PBX1: variants seen among roughly 807,000 people sequenced by gnomAD.
PBX1 encodes the protein PBX homeobox 1.
PBX1 carries 6 observed loss-of-function variants against 53.4 expected under a neutral mutation model. The observed-to-expected ratio is 0.11, with a 90% CI of 0.06 to 0.22. PBX1 has a LOEUF of 0.22. Among genes scored for constraint, PBX1 ranks in the 10% least tolerant of loss-of-function variants. The probability of loss-of-function intolerance (pLI) is 1.00; values close to 1 mark genes in which losing one functional copy is unlikely to be tolerated. For missense variants in PBX1, 251 were observed against 551.4 expected (o/e 0.46, Z 5.46); for synonymous variants, 204 against 212.3 (o/e 0.96, Z 0.34).
chr1:164,597,951 G>A (rs940013232), intron 2 of PBX1, among the ~76,000 whole-genome samples: 2 of 152,158 alleles, frequency 1.3e-5, no homozygotes, highest in South Asian at 4.1e-4. Flanking sequence ...CAATACCACA[G>A]ACTGGGGAAT....
intron 2 of PBX1, among the ~76,000 whole-genome samples, chr1:164,612,493 A>T (rs1340668790): frequency 7.9e-5 from 12 of 152,034 alleles, no homozygotes; most frequent in Admixed American, 7.9e-4. Context: ...GTGCTGCTGG[A>T]CTTGGTGGCG....
At chr1:164,725,797 G>T (rs183120254) in intron 2 of PBX1, among the ~76,000 whole-genome samples, 1 of 152,132 alleles carries the variant, frequency 6.6e-6, no homozygotes, top group African/African-American at 2.4e-5. Flanking sequence ...TCACTGTGAG[G>T]TGTAGCTATC....
intron 8 of PBX1, among the ~76,000 whole-genome samples, chr1:164,841,821 C>T (rs886744599): frequency 6.6e-6 from 1 of 152,010 alleles, no homozygotes; most frequent in African/African-American, 2.4e-5. Context: ...TCTTCCCGGC[C>T]GTTCCCAACA....
intron 2 of PBX1, among the ~76,000 whole-genome samples, chr1:164,707,418 T>TGTGTGTGAGAGAGAGAGAGAGAGA (rs58617739): frequency 8.5e-6 from 1 of 118,210 alleles, no homozygotes; most frequent in Non-Finnish European, 1.8e-5. Flanking sequence ...TGTGTGTGTG[T>TGTGTGTGAGAGAGAGAGAGAGAGA]GAGAGAGAGA....
At chr1:164,656,272 G>A (rs1466514965) in intron 2 of PBX1, among the ~76,000 whole-genome samples, 1 of 152,112 alleles carries the variant, frequency 6.6e-6, no homozygotes, top group Non-Finnish European at 1.5e-5. Context: ...AACAGCAAAA[G>A]CACTTCTGTC....
intron 1 of PBX1, chr1:164,560,526 A>G (rs1410536493): frequency 2.3e-5 from 5 of 218,792 alleles, no homozygotes; most frequent in African/African-American, 4.7e-5. Flanking sequence ...CCCGTCCAAA[A>G]TTAATTTTTA....
intron 2 of PBX1, among the ~76,000 whole-genome samples, chr1:164,763,587 C>A (rs1666916600): frequency 6.6e-6 from 1 of 152,116 alleles, no homozygotes; most frequent in South Asian, 2.1e-4. Context: ...ACAGATTTTC[C>A]CTAACCAAGA....
At chr1:164,593,074 C>T (rs1022768092) in intron 2 of PBX1, among the ~76,000 whole-genome samples, 4 of 152,016 alleles carry the variant, frequency 2.6e-5, no homozygotes, top group African/African-American at 9.7e-5. Flanking sequence ...TCTCATGCCT[C>T]AGCCTCCCAA....
At position 164,766,019 on chromosome 1, in the gene PBX1, C is replaced by T. The variant is rs2102232571; in HGVS notation, c.266-26475C>T. On this transcript the variant is annotated intron_variant, in intron 2 of 8. Transcript: ENST00000420696. ...AAAAAAGAAGGGTAAAATATGGTCC[C>T]TGCCCTTGGATGGGTAACTCTCATT... 2.0e-5 allele frequency among the ~76,000 whole-genome samples: 3 copies of T among 152,292 alleles called. No homozygotes were observed. The Middle Eastern group carries it at 0.01, about 518-fold the overall frequency.
At chr1:164,872,320 C>A (rs894406758) in intron 2 of PBX1, among the ~76,000 whole-genome samples, 2 of 152,184 alleles carry the variant, frequency 1.3e-5, no homozygotes, top group African/African-American at 4.8e-5. Flanking sequence ...TATTGTATAG[C>A]AACCTCCCTT....
intron 3 of PBX1, among the ~76,000 whole-genome samples, chr1:164,797,102 C>T (rs1463688486): frequency 3.9e-5 from 6 of 152,236 alleles, no homozygotes; most frequent in African/African-American, 1.4e-4. Flanking sequence ...TGCTCCACCT[C>T]AGCAGTGGGT....
chr1:164,587,988 T>C (rs1425727302), intron 2 of PBX1, among the ~76,000 whole-genome samples: 1 of 152,204 alleles, frequency 6.6e-6, no homozygotes, highest in Non-Finnish European at 1.5e-5. Context: ...TCACCTCTCA[T>C]CTTCTGTGCT....
At chr1:164,792,343 TTCTC>T (rs1478698408) in intron 2 of PBX1, 147 bp from the exon 3 acceptor site, 4 of 1,355,224 alleles carry the variant, frequency 3.0e-6, no homozygotes, top group Non-Finnish European at 3.9e-6. Context: ...CCCTCTCAGT[TTCTC>T]TCTTTTTCCA....
intron 2 of PBX1, among the ~76,000 whole-genome samples, chr1:164,728,589 C>T (rs910652847): frequency 6.6e-6 from 1 of 152,122 alleles, no homozygotes; most frequent in African/African-American, 2.4e-5. Flanking sequence ...TTGATTTAGA[C>T]AAGGCCAGAA....
At chr1:164,781,705 G>A (rs922426433) in intron 2 of PBX1, among the ~76,000 whole-genome samples, 4 of 152,016 alleles carry the variant, frequency 2.6e-5, no homozygotes, top group South Asian at 2.1e-4. Flanking sequence ...CCCTCATCCC[G>A]GACTTCCTGG....
chr1:164,812,275 G>T, intron 6 of PBX1, 126 bp downstream of exon 6: 1 of 931,026 alleles, frequency 1.1e-6, no homozygotes, highest in Non-Finnish European at 1.5e-6. Flanking sequence ...GTATTTGATT[G>T]TATTTTTGGA....
At chr1:164,619,058 A>C (rs1657498533) in intron 2 of PBX1, among the ~76,000 whole-genome samples, 1 of 152,212 alleles carries the variant, frequency 6.6e-6, no homozygotes, top group Non-Finnish European at 1.5e-5. Context: ...TAAAATGATC[A>C]GGGATAATTA....
chr1:164,584,231 C>T (rs140111238), intron 2 of PBX1, among the ~76,000 whole-genome samples: 100 of 152,102 alleles, frequency 6.6e-4, no homozygotes, highest in African/African-American at 2.2e-3. Context: ...AAGTGCAGTA[C>T]GGTGCATACC....
chr1:164,885,644 G>A (rs1043083892), intron 2 of PBX1, among the ~76,000 whole-genome samples: 2 of 152,152 alleles, frequency 1.3e-5, no homozygotes, highest in Non-Finnish European at 2.9e-5. Context: ...TCTTGGGCAA[G>A]TAATTTTCCC....
Sources: allele counts gnomAD v4.1 joint callset (sites outside exome capture counted in the v4.1 genomes callset), GRCh38; gene constraint gnomAD v4.1.1; transcripts MANE v1.5; gene names NCBI Gene and HGNC (gene_info 2026-07-23, HGNC 2026-07-21).